KALRN: variants seen among roughly 807,000 people sequenced by gnomAD.
KALRN encodes kalirin RhoGEF kinase.
Under a neutral mutation model 353.7 loss-of-function variants are expected in KALRN, and 70 were observed. That is an observed-to-expected ratio of 0.20 (90% CI 0.16 to 0.24). The LOEUF (loss-of-function observed/expected upper bound fraction) is 0.24. KALRN is among the 10% of genes least tolerant of loss of function. The probability of loss-of-function intolerance (pLI) is 1.00; values close to 1 mark genes in which losing one functional copy is unlikely to be tolerated. For synonymous variants in KALRN, 1,391 were observed against 1,434.8 expected, an observed-to-expected ratio of 0.97 and a Z score of 0.69; for missense variants, 2,791 against 3,756.7, an observed-to-expected ratio of 0.74 and a Z score of 6.72.
Position 124,409,381 on chromosome 3 carries a change from C to T in KALRN, c.2347-4089C>T, listed in dbSNP as rs2091927571. On this transcript the variant is annotated intron_variant, in intron 13 of 59. Coordinates refer to ENST00000682506, the MANE Select transcript of KALRN (RefSeq NM_001388419.1). ...CACAGGCTTTTCTTTTCAGTCTTGT[C>T]TCTCTGTATTAGCAAACTAACCCAT... is the stretch of plus-strand genomic sequence containing the variant. 2.6e-5 allele frequency among the ~76,000 whole-genome samples: 4 copies of T among 152,336 alleles called. No individual in the cohort carries two copies. The South Asian group carries it at 8.3e-4, about 32-fold the overall frequency.
intron 1 of KALRN, among the ~76,000 whole-genome samples, chr3:124,125,833 T>G (rs1313013982): frequency 2.6e-5 from 4 of 152,154 alleles, no homozygotes; most frequent in Non-Finnish European, 5.9e-5. Context: ...TGATTCAGAG[T>G]TAGGCCATCA....
chr3:124,598,673 T>G (rs2076501407), intron 34 of KALRN, among the ~76,000 whole-genome samples: 1 of 152,176 alleles, frequency 6.6e-6, no homozygotes, highest in African/African-American at 2.4e-5. Context: ...TGTTTGATGT[T>G]GTTTTTGTCA....
intron 11 of KALRN, among the ~76,000 whole-genome samples, chr3:124,389,638 A>G (rs1232407823): frequency 6.6e-6 from 1 of 152,236 alleles, no homozygotes; most frequent in Non-Finnish European, 1.5e-5. Context: ...ATATAGTAAA[A>G]TATTACACAG....
At chr3:124,362,991 G>A (rs2084230265) in intron 10 of KALRN, among the ~76,000 whole-genome samples, 1 of 152,284 alleles carries the variant, frequency 6.6e-6, no homozygotes, top group African/African-American at 2.4e-5. Flanking sequence ...AGTTTATAAA[G>A]TTAGAAAGGT....
chr3:124,127,027 C>A (rs1384396077), intron 1 of KALRN, among the ~76,000 whole-genome samples: 1 of 152,132 alleles, frequency 6.6e-6, no homozygotes, highest in South Asian at 2.1e-4. Context: ...AAAATAATGA[C>A]CCCTGGTTCG....
At chr3:124,290,736 TAGG>T (rs1253218827) in intron 5 of KALRN, among the ~76,000 whole-genome samples, 1 of 152,134 alleles carries the variant, frequency 6.6e-6, no homozygotes, top group African/African-American at 2.4e-5. Flanking sequence ...ATGAGGTTAT[TAGG>T]AGGATTAAGT....
At chr3:124,536,143 G>A (rs375306858) in intron 33 of KALRN, among the ~76,000 whole-genome samples, 120 of 150,318 alleles carry the variant, frequency 8.0e-4, no homozygotes, top group African/African-American at 2.5e-3. Context: ...TTACTAAGAA[G>A]TAAGGGCACG....
At chr3:124,224,193 G>A (rs2078231971) in intron 1 of KALRN, among the ~76,000 whole-genome samples, 1 of 151,350 alleles carries the variant, frequency 6.6e-6, no homozygotes, top group Admixed American at 6.6e-5. Flanking sequence ...AAGGGCTTAG[G>A]GGTTTTTTTT....
intron 1 of KALRN, among the ~76,000 whole-genome samples, chr3:124,202,428 C>G (rs921561583): frequency 6.6e-6 from 1 of 152,018 alleles, no homozygotes; most frequent in African/African-American, 2.4e-5. Flanking sequence ...TTTTTGTATT[C>G]TTTGTAGAAA....
chr3:124,106,494 C>A (rs1474552902), intron 1 of KALRN, among the ~76,000 whole-genome samples: 1 of 152,060 alleles, frequency 6.6e-6, no homozygotes, highest in Non-Finnish European at 1.5e-5. Flanking sequence ...GGGAGAGGAG[C>A]CTCACCTGGA....
At chr3:124,281,503 T>C (rs1216041545) in intron 5 of KALRN, among the ~76,000 whole-genome samples, 80 of 152,316 alleles carry the variant, frequency 5.3e-4, no homozygotes. Context: ...CTTTGCACAT[T>C]CCCACCTTTT....
rs76644849 is a variant in KALRN, at chr3:124,689,830, G to A, written c.7378-3974G>A. On this transcript the variant is annotated intron_variant, in intron 51 of 59. Transcript: ENST00000682506. ...TTATGACTGATGGTGCATAAAACACGGGAAAGGGTTACTACCTTCAAAAGG... is the reference window on the plus strand; with the variant it reads ...TTATGACTGATGGTGCATAAAACACAGGAAAGGGTTACTACCTTCAAAAGG... Among the ~76,000 whole-genome samples, 1,326 of 152,244 alleles carry A rather than the reference G, an allele frequency of 8.7e-3. 23 individuals are homozygous for A. The highest frequency in any genetic ancestry group is 0.03 in the African/African-American group (1,267 of 41,542).
At chr3:124,247,916 C>T (rs576491927) in intron 3 of KALRN, among the ~76,000 whole-genome samples, 2 of 152,220 alleles carry the variant, frequency 1.3e-5, no homozygotes, top group East Asian at 3.9e-4. Context: ...CCTTCTCCAC[C>T]CCATCTCATG....
At chr3:124,094,544 T>C (rs2061311453) in intron 1 of KALRN, 4 of 461,584 alleles carry the variant, frequency 8.7e-6, no homozygotes, top group Non-Finnish European at 8.0e-6. Context: ...CTCGCGTCTT[T>C]GCGAAAACCC....
intron 1 of KALRN, among the ~76,000 whole-genome samples, chr3:124,082,060 G>A (rs2149321776): frequency 1.3e-5 from 2 of 152,304 alleles, no homozygotes; most frequent in South Asian, 4.1e-4. Flanking sequence ...TAGTGAAGAT[G>A]AGACTGTGGT....
intron 16 of KALRN, among the ~76,000 whole-genome samples, chr3:124,432,563 C>T (rs550652407): frequency 6.6e-6 from 1 of 152,310 alleles, no homozygotes; most frequent in South Asian, 2.1e-4. Flanking sequence ...GGCCATACCT[C>T]CTCTTTATCT....
At chr3:124,659,084 G>C (rs1054688714) in intron 42 of KALRN, among the ~76,000 whole-genome samples, 3 of 152,130 alleles carry the variant, frequency 2.0e-5, no homozygotes, top group African/African-American at 4.8e-5. Context: ...AGAGAATAAG[G>C]CCCCTCCAGC....
intron 1 of KALRN, among the ~76,000 whole-genome samples, chr3:124,099,987 A>C (rs1217016511): frequency 6.6e-6 from 1 of 152,110 alleles, no homozygotes; most frequent in Non-Finnish European, 1.5e-5. Context: ...AACATGGTGA[A>C]ACTCCATCTC....
intron 10 of KALRN, among the ~76,000 whole-genome samples, chr3:124,360,385 G>T (rs183178258): frequency 2.1e-4 from 32 of 152,330 alleles, no homozygotes; most frequent in Admixed American, 9.1e-4. Context: ...CTGCCATGGG[G>T]CCCCAGAAAA....
Sources: allele counts gnomAD v4.1 joint callset (sites outside exome capture counted in the v4.1 genomes callset), GRCh38; gene constraint gnomAD v4.1.1; transcripts MANE v1.5; gene names NCBI Gene and HGNC (gene_info 2026-07-23, HGNC 2026-07-21).